The following ZNF407 variants were observed in gnomAD, a reference collection of about 807,000 sequenced individuals.
ZNF407 encodes the protein zinc finger protein 407.
A neutral mutation model predicts 131.2 loss-of-function variants in ZNF407; 17 were observed. The ratio of observed to expected loss-of-function variants is 0.13; its 90% CI spans 0.09 to 0.19. The LOEUF is 0.19. Ranked by LOEUF, ZNF407 falls within the 10% of genes least tolerant of loss-of-function variation. ZNF407 has a pLI of 1.00. For synonymous variants in ZNF407, 1,156 were observed against 1,062.0 expected (o/e 1.09, Z -1.72); for missense variants, 2,681 against 2,830.6 (o/e 0.95, Z 1.20).
At chr18:74,641,824 C>T (rs1347534212) in intron 3 of ZNF407, among the ~76,000 whole-genome samples, 1 of 152,110 alleles carries the variant, frequency 6.6e-6, no homozygotes, top group Non-Finnish European at 1.5e-5. Flanking sequence ...TATGGTATAA[C>T]ATAGGACATT....
intron 1 of ZNF407, among the ~76,000 whole-genome samples, chr18:74,622,812 ATGTC>A (rs1243851764): frequency 7.1e-6 from 1 of 141,076 alleles, no homozygotes; most frequent in Non-Finnish European, 1.5e-5. Context: ...ATTTGTGAAT[ATGTC>A]TGAATGTGAG....
intron 7 of ZNF407, among the ~76,000 whole-genome samples, chr18:74,903,297 G>A (rs371534317): frequency 3.9e-5 from 6 of 151,970 alleles, no homozygotes; most frequent in African/African-American, 9.7e-5. Context: ...AGAAAAATAC[G>A]GTAAATTATT....
chr18:74,877,760 A>G (rs1447792455), intron 5 of ZNF407, among the ~76,000 whole-genome samples: 1 of 152,208 alleles, frequency 6.6e-6, no homozygotes, highest in African/African-American at 2.4e-5. Context: ...ACGAATTTCC[A>G]TAGTATGTTT....
At chr18:74,809,389 T>C (rs1199420279) in intron 4 of ZNF407, among the ~76,000 whole-genome samples, 1 of 152,240 alleles carries the variant, frequency 6.6e-6, no homozygotes, top group Non-Finnish European at 1.5e-5. Flanking sequence ...CCTAATGTCA[T>C]GCTTTCTCTT....
chr18:74,885,998 A>G lies in ZNF407; in HGVS notation c.5129-3920A>G, dbSNP rs529059576. Among the ~76,000 whole-genome samples the G allele has an allele frequency of 2.6e-5, 4 of 152,362 alleles. No homozygotes were observed. In the South Asian group the frequency reaches 8.3e-4, roughly 32 times the overall value. On this transcript the variant is annotated intron_variant, in intron 6 of 8. Transcript: ENST00000299687. ...TGATAAGTTGAAAACTTTATAAAGT[A>G]AAACTTCTCTTTAAAAGGTGCTGTG...
chr18:74,903,991 C>A (rs776312295), intron 7 of ZNF407, among the ~76,000 whole-genome samples: 14 of 152,316 alleles, frequency 9.2e-5, no homozygotes, highest in Admixed American at 4.6e-4. Context: ...CTCGGAGAAT[C>A]CCTTTAGTCA....
chr18:74,853,582 C>T (rs1320641103), intron 4 of ZNF407, among the ~76,000 whole-genome samples: 1 of 152,140 alleles, frequency 6.6e-6, no homozygotes, highest in Non-Finnish European at 1.5e-5. Flanking sequence ...TGCCTGTGAT[C>T]TTAACATTCA....
intron 3 of ZNF407, among the ~76,000 whole-genome samples, chr18:74,687,486 A>C (rs901166112): frequency 1.7e-4 from 26 of 152,166 alleles, no homozygotes; most frequent in Admixed American, 4.6e-4. Flanking sequence ...TGGCGGGAAA[A>C]GGACTCCTTG....
At chr18:74,868,930 G>C (rs953696996) in intron 4 of ZNF407, among the ~76,000 whole-genome samples, 5 of 152,116 alleles carry the variant, frequency 3.3e-5, no homozygotes, top group East Asian at 1.9e-4. Flanking sequence ...TTTATTTATA[G>C]GTTTCTACAT....
At chr18:74,849,986 A>G (rs1278729684) in intron 4 of ZNF407, among the ~76,000 whole-genome samples, 1 of 152,208 alleles carries the variant, frequency 6.6e-6, no homozygotes, top group Non-Finnish European at 1.5e-5. Context: ...CCTTTTGACT[A>G]TGAGGCCATA....
chr18:74,947,293 G>T (rs62089922), intron 8 of ZNF407, among the ~76,000 whole-genome samples: 4,247 of 152,202 alleles, frequency 0.028, 90 homozygotes, highest in Non-Finnish European at 0.042. Context: ...ATGATTCCTG[G>T]TTTCATTTGA....
chr18:74,610,604 G>A (rs1454400163), intron 1 of ZNF407, among the ~76,000 whole-genome samples: 7 of 152,112 alleles, frequency 4.6e-5, no homozygotes, highest in Admixed American at 2.6e-4. Flanking sequence ...AGGCTTGAGT[G>A]CAATGGCTCA....
chr18:75,015,727 C>G (rs1973036334), intron 8 of ZNF407, among the ~76,000 whole-genome samples: 1 of 151,576 alleles, frequency 6.6e-6, no homozygotes, highest in African/African-American at 2.4e-5. Flanking sequence ...TAATTTACTG[C>G]TATAGTTCTC....
chr18:74,778,702 C>CTA (rs1969527352), intron 3 of ZNF407, among the ~76,000 whole-genome samples: 2 of 152,050 alleles, frequency 1.3e-5, no homozygotes, highest in African/African-American at 4.8e-5. Context: ...GTCACTGCAT[C>CTA]CTGTTGATAA....
At chr18:74,808,322 G>A (rs1337183946) in intron 4 of ZNF407, among the ~76,000 whole-genome samples, 1 of 152,084 alleles carries the variant, frequency 6.6e-6, no homozygotes, top group Non-Finnish European at 1.5e-5. Context: ...CCAGCACTTA[G>A]CATTTTTTAT....
chr18:74,670,674 A>G (rs747482282), intron 3 of ZNF407, among the ~76,000 whole-genome samples: 13 of 152,146 alleles, frequency 8.5e-5, no homozygotes, highest in Non-Finnish European at 5.9e-5. Context: ...AAAATTTATC[A>G]TCTTTACCAT....
chr18:74,832,590 A>G (rs1970501258), intron 4 of ZNF407, among the ~76,000 whole-genome samples: 1 of 151,982 alleles, frequency 6.6e-6, no homozygotes, highest in South Asian at 2.1e-4. Flanking sequence ...GAGCCACCAC[A>G]CCCACTTTAA....
intron 3 of ZNF407, among the ~76,000 whole-genome samples, chr18:74,753,791 C>G (rs1010855674): frequency 7.9e-5 from 12 of 152,100 alleles, no homozygotes; most frequent in Non-Finnish European, 1.3e-4. Context: ...TGATGTTCAT[C>G]AGGGATATTG....
At chr18:74,925,586 C>T (rs988360642) in intron 8 of ZNF407, among the ~76,000 whole-genome samples, 2 of 152,224 alleles carry the variant, frequency 1.3e-5, no homozygotes, top group African/African-American at 4.8e-5. Flanking sequence ...GCAGTCTTCT[C>T]CCAAATTCCT....
Sources: allele counts gnomAD v4.1 joint callset (sites outside exome capture counted in the v4.1 genomes callset), GRCh38; gene constraint gnomAD v4.1.1; transcripts MANE v1.5; gene names NCBI Gene and HGNC (gene_info 2026-07-23, HGNC 2026-07-21).